VAV3: variants seen among roughly 807,000 people sequenced by gnomAD.
VAV3 encodes guanine nucleotide exchange factor VAV3.
In VAV3, 94 loss-of-function variants were observed where a neutral mutation model predicts 131.2. The ratio of observed to expected loss-of-function variants is 0.72; its 90% confidence interval spans 0.61 to 0.85. The LOEUF (loss-of-function observed/expected upper bound fraction) is 0.85, where lower values mean the gene tolerates loss of function less well. VAV3 is among the 40% of genes least tolerant of loss of function. The pLI, the probability that VAV3 is intolerant of heterozygous loss-of-function variation, is 0.00. For missense variants in VAV3, 939 were observed against 1,002.7 expected, an observed-to-expected ratio of 0.94 and a Z score of 0.86; for synonymous variants, 349 against 342.0, an observed-to-expected ratio of 1.02 and a Z score of -0.22.
intron 2 of VAV3, among the ~76,000 whole-genome samples, chr1:107,824,415 GC>G (rs1443667668): frequency 6.6e-6 from 1 of 152,078 alleles, no homozygotes; most frequent in African/African-American, 2.4e-5. Context: ...GATGAGGATG[GC>G]CCCATACGGA....
intron 22 of VAV3, 117 bp downstream of exon 22, chr1:107,609,814 C>G (rs2101146457): frequency 1.9e-6 from 2 of 1,044,704 alleles, no homozygotes; most frequent in Middle Eastern, 4.2e-4. Flanking sequence ...CATCTGAAAA[C>G]ACCTTTAGCC....
chr1:107,702,204 T>C (rs558633407), intron 17 of VAV3, among the ~76,000 whole-genome samples: 1 of 152,276 alleles, frequency 6.6e-6, no homozygotes, highest in South Asian at 2.1e-4. Context: ...ACATCTTACA[T>C]GGTGACAAGT....
intron 18 of VAV3, among the ~76,000 whole-genome samples, chr1:107,684,387 G>A (rs1010962277): frequency 1.3e-5 from 2 of 152,172 alleles, no homozygotes; most frequent in Admixed American, 1.3e-4. Context: ...ATGTGTTGGG[G>A]TTTGTATCTG....
chr1:107,836,049 G>C (rs937311150), intron 2 of VAV3, among the ~76,000 whole-genome samples: 1 of 152,156 alleles, frequency 6.6e-6, no homozygotes, highest in African/African-American at 2.4e-5. Context: ...AGTTTTTAGA[G>C]ACCCACGAAA....
At chr1:107,705,695 G>A (rs1004757183) in intron 15 of VAV3, among the ~76,000 whole-genome samples, 2 of 151,946 alleles carry the variant, frequency 1.3e-5, no homozygotes, top group African/African-American at 4.8e-5. Flanking sequence ...AATATTCTTT[G>A]TATATTTACT....
intron 19 of VAV3, among the ~76,000 whole-genome samples, chr1:107,659,893 T>A (rs1656878445): frequency 6.6e-6 from 1 of 152,130 alleles, no homozygotes; most frequent in African/African-American, 2.4e-5. Flanking sequence ...ACCTTTTCCA[T>A]CCCTCATCCG....
intron 20 of VAV3, among the ~76,000 whole-genome samples, chr1:107,618,525 GT>G (rs1466113726): frequency 6.6e-6 from 1 of 152,218 alleles, no homozygotes; most frequent in Non-Finnish European, 1.5e-5. Flanking sequence ...TGGTGCAAAA[GT>G]AATTGTGGTT....
intron 2 of VAV3, among the ~76,000 whole-genome samples, chr1:107,835,488 C>T (rs1441458159): frequency 6.6e-6 from 1 of 152,184 alleles, no homozygotes; most frequent in Non-Finnish European, 1.5e-5. Flanking sequence ...AGTGTGAGAG[C>T]TGGGCATGCC....
At position 107,571,954 on chromosome 1, in the gene VAV3, C is replaced by T. The variant is rs1280516317; in HGVS notation, c.*1377G>A. 6.6e-6 allele frequency: 1 copy of T among 152,558 alleles called. No homozygotes were observed. The highest frequency in any genetic ancestry group is 1.5e-5 in the Non-Finnish European group (1 of 68,046). The allele number at this position is 152,558 out of a possible 1,614,324, so 9.5% of individuals were successfully genotyped here. A position where few individuals can be genotyped will look rare whatever the true frequency, so the allele number is the denominator to read the frequency against. On this transcript the variant is annotated 3_prime_UTR_variant, in exon 27 of 27. Transcript: ENST00000370056. ...ATTTCAGAACTTAATGCTCCTGGTT[C>T]AGTTCTACTAAGTTAATGCTTCTTT...
At chr1:107,904,658 T>G (rs1414851636) in intron 1 of VAV3, among the ~76,000 whole-genome samples, 2 of 152,174 alleles carry the variant, frequency 1.3e-5, no homozygotes, top group South Asian at 2.1e-4. Context: ...CCTTTATTCA[T>G]TCAGCAAATA....
chr1:107,741,987 T>C (rs1557811894), intron 15 of VAV3, among the ~76,000 whole-genome samples: 1 of 152,220 alleles, frequency 6.6e-6, no homozygotes, highest in Non-Finnish European at 1.5e-5. Flanking sequence ...GTTAGGTGTC[T>C]ATAAAAATGC....
intron 19 of VAV3, among the ~76,000 whole-genome samples, chr1:107,661,815 G>A (rs1260680418): frequency 1.3e-5 from 2 of 152,150 alleles, no homozygotes; most frequent in African/African-American, 2.4e-5. Flanking sequence ...GCTTTAGACT[G>A]TAAGTCCTTA....
chr1:107,753,443 A>T (rs938860208), intron 12 of VAV3, among the ~76,000 whole-genome samples: 5 of 149,656 alleles, frequency 3.3e-5, no homozygotes, highest in African/African-American at 7.4e-5. Flanking sequence ...AATGCTATAT[A>T]TATTTATAGC....
intron 18 of VAV3, among the ~76,000 whole-genome samples, 200 bp from the exon 19 acceptor site, chr1:107,683,733 A>G (rs1487638535): frequency 6.6e-6 from 1 of 152,222 alleles, no homozygotes; most frequent in Non-Finnish European, 1.5e-5. Context: ...GTATATCATT[A>G]CACTTGATAA....
At chr1:107,769,850 G>C (rs1664940449) in intron 6 of VAV3, among the ~76,000 whole-genome samples, 1 of 151,950 alleles carries the variant, frequency 6.6e-6, no homozygotes. Flanking sequence ...AATCCGGTTG[G>C]TTCTATGTTT....
intron 1 of VAV3, among the ~76,000 whole-genome samples, chr1:107,877,763 G>T (rs1455940408): frequency 6.6e-6 from 1 of 152,036 alleles, no homozygotes; most frequent in East Asian, 1.9e-4. Context: ...TGTTAAAAAT[G>T]AACAAGACAA....
At chr1:107,845,942 A>G (rs1668945782) in intron 2 of VAV3, among the ~76,000 whole-genome samples, 1 of 152,174 alleles carries the variant, frequency 6.6e-6, no homozygotes, top group Non-Finnish European at 1.5e-5. Flanking sequence ...TTCAGGAAAT[A>G]CAGACAATAC....
chr1:107,797,287 T>A (rs1226649604), intron 2 of VAV3, among the ~76,000 whole-genome samples: 1 of 152,222 alleles, frequency 6.6e-6, no homozygotes, highest in Admixed American at 6.5e-5. Flanking sequence ...CTCTTAGTAA[T>A]TCTTAATCTT....
chr1:107,588,713 A>G (rs1175072387), intron 25 of VAV3, among the ~76,000 whole-genome samples: 2 of 152,328 alleles, frequency 1.3e-5, no homozygotes, highest in East Asian at 3.9e-4. Flanking sequence ...GACAAAAGAA[A>G]TCTTTTCATG....
Sources: allele counts gnomAD v4.1 joint callset (sites outside exome capture counted in the v4.1 genomes callset), GRCh38; gene constraint gnomAD v4.1.1; transcripts MANE v1.5; gene names NCBI Gene and HGNC (gene_info 2026-07-23, HGNC 2026-07-21).